The following PRSS3 variants were observed in gnomAD, a reference collection of about 807,000 sequenced individuals.
PRSS3 encodes serine protease 3.
PRSS3 carries 14 observed loss-of-function variants against 20.8 expected under a neutral mutation model. The observed-to-expected ratio is 0.67, with a 90% CI of 0.44 to 1.05. The LOEUF (loss-of-function observed/expected upper bound fraction) is 1.05, where lower values mean the gene tolerates loss of function less well. PRSS3 is among the 50% of genes least tolerant of loss of function. The pLI is 0.00. For synonymous variants in PRSS3, 91 were observed against 117.6 expected (o/e 0.77, Z 1.46); for missense variants, 237 against 306.4 (o/e 0.77, Z 1.69).
At chr9:33,775,178 G>A (rs1823868279) in intron 1 of PRSS3, among the ~76,000 whole-genome samples, 1 of 151,944 alleles carries the variant, frequency 6.6e-6, no homozygotes. Flanking sequence ...AAATTGAGCA[G>A]CATTTATTCT....
rs148148708 is a variant in PRSS3, at chr9:33,766,541, C to G, written c.-53+15814C>G. Reference sequence around the variant, plus strand: ...TGAGCAGAGATCGCACCACTGCGCTCCAGCCTGGGCGACAGAGCAAGACTC... The same window carrying G: ...TGAGCAGAGATCGCACCACTGCGCTGCAGCCTGGGCGACAGAGCAAGACTC... On this transcript the variant is annotated intron_variant, in intron 1 of 5. Transcript: ENST00000342836. 2.6e-5 allele frequency among the ~76,000 whole-genome samples: 4 copies of G among 152,090 alleles called. No individual in the cohort carries two copies. The South Asian group carries it at 6.3e-4, about 24-fold the overall frequency.
chr9:33,797,610 C>G (rs375369722), intron 2 of PRSS3, among the ~76,000 whole-genome samples: 3,158 of 129,722 alleles, frequency 0.024, no homozygotes, highest in Admixed American at 0.027. Flanking sequence ...CCCTTTGACT[C>G]TTCCCCACCC....
intron 1 of PRSS3, among the ~76,000 whole-genome samples, chr9:33,775,365 A>T (rs1385943749): frequency 2.6e-5 from 4 of 152,170 alleles, no homozygotes; most frequent in Non-Finnish European, 5.9e-5. Context: ...TGGGGGGTTG[A>T]AAATCCTTGG....
intron 1 of PRSS3, among the ~76,000 whole-genome samples, chr9:33,778,022 T>G (rs1366193193): frequency 7.3e-6 from 1 of 136,144 alleles, no homozygotes; most frequent in Non-Finnish European, 1.6e-5. Flanking sequence ...TAGAGTCTAT[T>G]CTAGGAGCCA....
At chr9:33,760,767 T>C (rs199885494) in intron 1 of PRSS3, among the ~76,000 whole-genome samples, 2 of 111,200 alleles carry the variant, frequency 1.8e-5, no homozygotes, top group African/African-American at 6.1e-5. Flanking sequence ...AAAAAAAAAA[T>C]TAGGACCCTG....
chr9:33,788,977 T>A (rs1385663021), intron 1 of PRSS3, among the ~76,000 whole-genome samples: 2 of 152,220 alleles, frequency 1.3e-5, no homozygotes, highest in Non-Finnish European at 2.9e-5. Flanking sequence ...TAAATTATAT[T>A]AATTTTTATT....
intron 1 of PRSS3, among the ~76,000 whole-genome samples, chr9:33,787,967 C>A (rs114706412): frequency 6.6e-6 from 1 of 152,174 alleles, no homozygotes. Flanking sequence ...GAAAGCTGTC[C>A]AGGGTGGATG....
At position 33,798,234 on chromosome 9, in the gene PRSS3, G is replaced by A; in HGVS notation, c.454+152G>A. Reference sequence around the variant, plus strand: ...TCTCTGCACTGGGCACCAGAGAGATGCAAAGTCTCAAGGACTTGGCTCCTA... The same window carrying A: ...TCTCTGCACTGGGCACCAGAGAGATACAAAGTCTCAAGGACTTGGCTCCTA... On this transcript the variant is annotated intron_variant, in intron 3 of 4. Transcript: ENST00000379405. The A allele has an allele frequency of 5.4e-6, 8 of 1,468,004 alleles. No homozygotes were observed. The South Asian group carries it at 6.6e-5, about 12-fold the overall frequency. The allele number at this position is 1,468,004 out of a possible 1,614,324, so 90.9% of individuals were successfully genotyped here.
At position 33,797,993 on chromosome 9, in the gene PRSS3, G is replaced by T; in HGVS notation, c.365G>T (p.Arg122Leu). The T allele has an allele frequency of 8.5e-7, 1 of 1,179,604 alleles. No individual in the cohort carries two copies. The highest frequency in any genetic ancestry group is 1.2e-6 in the Non-Finnish European group (1 of 833,622). The allele number at this position is 1,179,604 out of a possible 1,614,324, so 73.1% of individuals were successfully genotyped here. A position where few individuals can be genotyped will look rare whatever the true frequency, so the allele number is the denominator to read the frequency against. ...TCCTCACCTGCCGTCATCAATGCCC[G>T]CGTGTCCACCATCTCTCTGCCCACC... ...KLSSPAVINA[R>L]VSTISLPTTP... Residue 122 changes from arginine (R) to leucine (L), a missense_variant, in exon 3 of 5, where the codon CGC becomes CTC. Coordinates refer to ENST00000379405, the MANE Select transcript of PRSS3 (RefSeq NM_002771.4).
At chr9:33,792,140 G>A (rs1162567558), upstream of PRSS3, among the ~76,000 whole-genome samples, 1 of 152,072 alleles carries the variant, frequency 6.6e-6, no homozygotes, top group Non-Finnish European at 1.5e-5. Flanking sequence ...TGGATAAAGC[G>A]AAATTGTGCC....
chr9:33,773,668 G>A (rs545131103), intron 1 of PRSS3, among the ~76,000 whole-genome samples: 316 of 152,338 alleles, frequency 2.1e-3, no homozygotes, highest in African/African-American at 7.4e-3. Context: ...GTCTCACTCT[G>A]TCACCCAGCG....
At chr9:33,769,770 G>A (rs1823601103) in intron 1 of PRSS3, among the ~76,000 whole-genome samples, 1 of 152,218 alleles carries the variant, frequency 6.6e-6, no homozygotes, top group Non-Finnish European at 1.5e-5. Context: ...AAGGGGTGGG[G>A]CCACCATTTA....
At chr9:33,793,779 T>C (rs1824750354), upstream of PRSS3, 2 of 821,120 alleles carry the variant, frequency 2.4e-6, no homozygotes, top group Non-Finnish European at 2.9e-6. Context: ...TGAATCTCAG[T>C]CTCTTCCTCT....
At chr9:33,795,003 C>T (rs555933595), upstream of PRSS3, 23 of 1,335,896 alleles carry the variant, frequency 1.7e-5, 1 homozygote, top group African/African-American at 1.3e-4. Context: ...TCTCCTTACC[C>T]CTTAGTGTTG....
intron 1 of PRSS3, among the ~76,000 whole-genome samples, chr9:33,769,130 A>G (rs1823572127): frequency 6.6e-6 from 1 of 152,254 alleles, no homozygotes; most frequent in Non-Finnish European, 1.5e-5. Context: ...GAGATTTCTA[A>G]GCAAAATACT....
At chr9:33,787,320 T>C (rs971376489) in intron 1 of PRSS3, among the ~76,000 whole-genome samples, 36 of 152,236 alleles carry the variant, frequency 2.4e-4, no homozygotes, top group Non-Finnish European at 1.5e-5. Flanking sequence ...GCCCTCTAGA[T>C]GCCTCAGTAT....
intron 1 of PRSS3, among the ~76,000 whole-genome samples, chr9:33,761,299 T>C (rs1823192080): frequency 6.6e-6 from 1 of 152,216 alleles, no homozygotes; most frequent in African/African-American, 2.4e-5. Flanking sequence ...GTGAGCGCTT[T>C]TTCCAAGAAT....
intron 1 of PRSS3, among the ~76,000 whole-genome samples, chr9:33,781,942 T>C (rs979504227): frequency 1.5e-4 from 23 of 152,174 alleles, no homozygotes; most frequent in African/African-American, 4.6e-4. Flanking sequence ...AGCCAATGCA[T>C]TGCAGTCTTT....
At chr9:33,761,289 G>C (rs575269082) in intron 1 of PRSS3, among the ~76,000 whole-genome samples, 1 of 152,328 alleles carries the variant, frequency 6.6e-6, no homozygotes, top group African/African-American at 2.4e-5. Flanking sequence ...GTCTGTAGGC[G>C]TGAGCGCTTT....
Sources: gnomAD v4.1 joint callset for allele counts (sites outside exome capture counted in the v4.1 genomes callset) on GRCh38, gnomAD v4.1.1 for gene constraint, MANE v1.5 for transcripts, NCBI Gene and HGNC (gene_info 2026-07-23, HGNC 2026-07-21) for gene names.